COL21A1: variants seen among roughly 807,000 people sequenced by gnomAD.
The protein encoded by COL21A1 is collagen alpha-1(XXI) chain.
In COL21A1, 149 loss-of-function variants were observed where a neutral mutation model predicts 137.9. The observed-to-expected ratio is 1.08, with a 90% CI of 0.95 to 1.24. The LOEUF (loss-of-function observed/expected upper bound fraction) is 1.24, where lower values mean the gene tolerates loss of function less well. Among genes scored for constraint, COL21A1 ranks in the 50% most tolerant of loss-of-function variants. COL21A1 has a pLI of 0.00. For missense variants in COL21A1, 1,167 were observed against 1,158.4 expected (o/e 1.01, Z -0.11); for synonymous variants, 456 against 391.5 (o/e 1.16, Z -1.95).
chr6:56,282,352 T>C (rs1032442636), intron 1 of COL21A1, among the ~76,000 whole-genome samples: 2 of 117,464 alleles, frequency 1.7e-5, no homozygotes, highest in Admixed American at 9.7e-5. Flanking sequence ...GATTTTGTTT[T>C]TTCTCATACG....
At chr6:56,369,367 T>C (rs562987624) in intron 1 of COL21A1, among the ~76,000 whole-genome samples, 1 of 151,950 alleles carries the variant, frequency 6.6e-6, no homozygotes, top group East Asian at 1.9e-4. Flanking sequence ...AAAACCATCC[T>C]ACATATCACA....
chr6:56,213,429 T>C (rs948722102), intron 1 of COL21A1, among the ~76,000 whole-genome samples: 4 of 152,096 alleles, frequency 2.6e-5, no homozygotes. Flanking sequence ...AACTAGCAAG[T>C]GTACTTGCCA....
chr6:56,192,938 T>C (rs1467889945), intron 1 of COL21A1, among the ~76,000 whole-genome samples: 4 of 152,144 alleles, frequency 2.6e-5, no homozygotes, highest in African/African-American at 9.7e-5. Flanking sequence ...AATGATAGAC[T>C]GGATTAAGAA....
At position 56,141,795 on chromosome 6, in the gene COL21A1, T is replaced by C. The variant is rs777807946; in HGVS notation, c.1532A>G (p.Asp511Gly). The C allele has an allele frequency of 1.9e-6, 3 of 1,613,618 alleles. No individual in the cohort carries two copies. Among genetic ancestry groups the C allele is most frequent in the Admixed American group, 3.3e-5 (2 of 59,968 alleles). The change falls in exon 12 of 30, where the codon GAT becomes GGT. Residue 511 changes from aspartate (D) to glycine (G), a missense_variant. By Grantham distance (94) the Asp-to-Gly change is moderately conservative. Coordinates refer to ENST00000244728, the MANE Select transcript of COL21A1 (RefSeq NM_030820.4). ...TTTGTGTGTGTTTACCTTGTCACCA[T>C]CTCGCCCTGGTTCTCCTTTGTAACC... ...LPGYKGEPGR[D>G]GDKGDRGLPG... is the part of the protein sequence containing the mutation.
intron 1 of COL21A1, among the ~76,000 whole-genome samples, chr6:56,201,894 A>G (rs1779432629): frequency 6.6e-6 from 1 of 152,172 alleles, no homozygotes; most frequent in Non-Finnish European, 1.5e-5. Flanking sequence ...AATTAATGAG[A>G]AACTAAAGCA....
At chr6:56,229,469 G>A (rs568362246) in intron 1 of COL21A1, among the ~76,000 whole-genome samples, 1 of 152,120 alleles carries the variant, frequency 6.6e-6, no homozygotes, top group Non-Finnish European at 1.5e-5. Flanking sequence ...AGGAGACTCT[G>A]CTCCACCAGC....
intron 1 of COL21A1, among the ~76,000 whole-genome samples, chr6:56,368,363 C>A (rs1260605868): frequency 6.6e-6 from 1 of 152,126 alleles, no homozygotes; most frequent in East Asian, 1.9e-4. Context: ...GTGTGTTCTT[C>A]AGAGATGTGG....
chr6:56,084,176 A>C (rs997364077), intron 17 of COL21A1, among the ~76,000 whole-genome samples: 1 of 151,736 alleles, frequency 6.6e-6, no homozygotes, highest in Admixed American at 6.6e-5. Context: ...ACTTATAGGG[A>C]TATATCCCTT....
intron 1 of COL21A1, among the ~76,000 whole-genome samples, chr6:56,210,951 A>G (rs1336285286): frequency 1.3e-5 from 2 of 151,932 alleles, no homozygotes; most frequent in African/African-American, 4.8e-5. Context: ...ATCAGAGAAA[A>G]CTGAACATGG....
chr6:56,260,035 A>G (rs1763213272), intron 1 of COL21A1, among the ~76,000 whole-genome samples: 3 of 152,230 alleles, frequency 2.0e-5, no homozygotes, highest in African/African-American at 7.2e-5. Flanking sequence ...CCCAGAGGGT[A>G]GGTGTGACCC....
At chr6:56,351,961 G>A (rs1008294040) in intron 1 of COL21A1, among the ~76,000 whole-genome samples, 4 of 152,076 alleles carry the variant, frequency 2.6e-5, no homozygotes, top group Admixed American at 2.0e-4. Context: ...AAAAAACTCA[G>A]TAATCAATAT....
intron 1 of COL21A1, among the ~76,000 whole-genome samples, chr6:56,191,807 C>T (rs1778703029): frequency 6.6e-6 from 1 of 151,416 alleles, no homozygotes; most frequent in African/African-American, 2.4e-5. Context: ...ATGAAAATGG[C>T]CACACTGCCC....
intron 10 of COL21A1, among the ~76,000 whole-genome samples, chr6:56,150,562 AC>A (rs1561920324): frequency 0.16 from 22,277 of 143,244 alleles, 2,213 homozygotes; most frequent in African/African-American, 0.21. Context: ...ACACACACAC[AC>A]ACAAGAGTGG....
chr6:56,275,934 C>T (rs1278067751), intron 1 of COL21A1, among the ~76,000 whole-genome samples: 2 of 152,158 alleles, frequency 1.3e-5, no homozygotes, highest in East Asian at 3.9e-4. Context: ...TATGTTCATC[C>T]CTGCACTATT....
rs188358477 is a variant in COL21A1 at position 56,172,682 on chromosome 6, A to C, written c.641-1554T>G. Among the ~76,000 whole-genome samples, 616 of 152,312 alleles carry C rather than the reference A, an allele frequency of 4.0e-3. 2 individuals are homozygous for C. Among genetic ancestry groups the C allele is most frequent in the African/African-American group, 0.013 (558 of 41,582 alleles). ...TAAATGACTTTTAATTCTGGTGTAA[A>C]AGTTAAAAGACAAAAGCATTTTTAA... is the stretch of plus-strand genomic sequence containing the variant. On this transcript the variant is annotated intron_variant, in intron 3 of 29. Coordinates refer to ENST00000244728, the MANE Select transcript of COL21A1 (RefSeq NM_030820.4).
chr6:56,159,520 A>T (rs1776034760), intron 9 of COL21A1, among the ~76,000 whole-genome samples: 1 of 151,936 alleles, frequency 6.6e-6, no homozygotes, highest in South Asian at 2.1e-4. Flanking sequence ...TTTAGTAGAG[A>T]CAGGGTTTCG....
At position 56,142,060 on chromosome 6, in the gene COL21A1, C is replaced by T. The variant is rs553533855; in HGVS notation, c.1435-77G>A. On this transcript the variant is annotated intron_variant, in intron 10 of 29. Transcript: ENST00000244728. ...GAGAAGTTCTTCGTTTCAGAATTCA[C>T]TCTTATCTCAAGTTTCTCATGCCTA... 3.7e-6 allele frequency: 4 copies of T among 1,080,206 alleles called. No homozygotes were observed. In the East Asian group the frequency reaches 1.0e-4, roughly 28 times the overall value. 66.9% of individuals were successfully genotyped at this position (1,080,206 alleles called of 1,614,324 possible).
In COL21A1 at chr6:56,223,696, C is replaced by T. The variant is rs192609591; in HGVS notation, c.-39+23691G>A. 3.5e-3 allele frequency among the ~76,000 whole-genome samples: 536 copies of T among 152,094 alleles called. 5 individuals are homozygous for T. The highest frequency in any genetic ancestry group is 0.012 in the African/African-American group (510 of 41,500). ...AATGTAGAATGATATTTGCATAATG[C>T]ATTCATGGTAAACTACCTTTAAATC... On this transcript the variant is annotated intron_variant, in intron 1 of 29. Transcript: ENST00000244728.
At position 56,345,597 on chromosome 6, in the gene COL21A1, C is replaced by A. The variant is rs201809894; in HGVS notation, c.-39+48374G>T. Among the ~76,000 whole-genome samples the A allele has an allele frequency of 2.5e-4, 38 of 152,330 alleles. No individual in the cohort carries two copies. In the East Asian group the frequency reaches 7.1e-3, roughly 29 times the overall value. On this transcript the variant is annotated intron_variant, in intron 1 of 28. Transcript: ENST00000370819. ...AAATGAAGCAGCTTTCCCAAGGACTCAGAACGTACACACGCCTGATCGCTA... is the reference window on the plus strand; with the variant it reads ...AAATGAAGCAGCTTTCCCAAGGACTAAGAACGTACACACGCCTGATCGCTA...
Sources: gnomAD v4.1 joint callset for allele counts (sites outside exome capture counted in the v4.1 genomes callset) on GRCh38, gnomAD v4.1.1 for gene constraint, MANE v1.5 for transcripts, NCBI Gene and HGNC (gene_info 2026-07-23, HGNC 2026-07-21) for gene names.